Variants in RAB5A observed in about 807,000 individuals in gnomAD.
RAB5A encodes ras-related protein Rab-5A.
Under a neutral mutation model 25.7 loss-of-function variants are expected in RAB5A, and 8 were observed. The ratio of observed to expected loss-of-function variants is 0.31; its 90% confidence interval spans 0.18 to 0.56. RAB5A has a LOEUF of 0.56. Ranked by LOEUF, RAB5A falls within the 20% of genes least tolerant of loss-of-function variation. RAB5A has a pLI of 0.91. For synonymous variants in RAB5A, 98 were observed against 89.8 expected, an observed-to-expected ratio of 1.09 and a Z score of -0.52; for missense variants, 192 against 259.7, an observed-to-expected ratio of 0.74 and a Z score of 1.79.
intron 2 of RAB5A, among the ~76,000 whole-genome samples, chr3:19,962,933 C>T (rs1575070763): frequency 6.6e-6 from 1 of 152,084 alleles, no homozygotes; most frequent in African/African-American, 2.4e-5. Flanking sequence ...CCACTTCAGC[C>T]TCCCAAATAG....
chr3:19,980,936 A>G (rs1696913537), intron 5 of RAB5A, among the ~76,000 whole-genome samples: 1 of 152,194 alleles, frequency 6.6e-6, no homozygotes, highest in Admixed American at 6.5e-5. Context: ...TGTAGAACAA[A>G]TAAAGGATAA....
intron 2 of RAB5A, among the ~76,000 whole-genome samples, chr3:19,954,197 T>C (rs925278212): frequency 6.6e-6 from 1 of 152,106 alleles, no homozygotes; most frequent in Non-Finnish European, 1.5e-5. Flanking sequence ...GTATTTTTAG[T>C]AGAGACAGGG....
At chr3:19,964,687 C>G (rs557292310) in intron 2 of RAB5A, among the ~76,000 whole-genome samples, 30 of 152,234 alleles carry the variant, frequency 2.0e-4, no homozygotes, top group African/African-American at 4.8e-4. Flanking sequence ...GATCTTGGCT[C>G]ACTGCAACCT....
rs773130913 is a variant in RAB5A, at chr3:19,951,034, C to A, written c.136C>A (p.His46Asn). 6.2e-7 allele frequency: 1 copy of A among 1,613,952 alleles called. No homozygotes were observed. Among genetic ancestry groups the A allele is most frequent in the South Asian group, 1.1e-5 (1 of 91,074 alleles). The change falls in exon 2 of 6, where the codon CAT becomes AAT. Residue 46 changes from histidine to asparagine, a missense_variant. By Grantham distance (68) the His-to-Asn change is moderately conservative. Around this residue, in one of 3 missense-constraint regions of RAB5A, gnomAD observed 39 missense variants for 91.6 expected, o/e 0.43. Coordinates refer to ENST00000273047, the MANE Select transcript of RAB5A (RefSeq NM_004162.5). ...GCTTCGTTTTGTGAAAGGCCAATTT[C>A]ATGAATTTCAAGAGAGTACCATTGG... ...LVLRFVKGQF[H>N]EFQESTIGAA...
intron 5 of RAB5A, 28 bp downstream of exon 5, chr3:19,978,431 T>C (rs1696860588): frequency 1.3e-6 from 2 of 1,491,668 alleles, no homozygotes; most frequent in African/African-American, 1.4e-5. Flanking sequence ...TTTTAAATGA[T>C]CAATATAAGC....
chr3:19,960,182 A>C (rs2125182924), intron 2 of RAB5A, among the ~76,000 whole-genome samples: 1 of 152,354 alleles, frequency 6.6e-6, no homozygotes, highest in South Asian at 2.1e-4. Context: ...TTTATGAAGT[A>C]TGCTGAGTAA....
chr3:19,971,208 A>G (rs1696745634), intron 2 of RAB5A, among the ~76,000 whole-genome samples: 1 of 138,078 alleles, frequency 7.2e-6, no homozygotes, highest in Admixed American at 7.3e-5. Context: ...AAAAAAAAAA[A>G]AAAAAAACAC....
intron 2 of RAB5A, among the ~76,000 whole-genome samples, chr3:19,963,765 C>T (rs1036883653): frequency 6.6e-6 from 1 of 152,114 alleles, no homozygotes; most frequent in African/African-American, 2.4e-5. Flanking sequence ...CCACCTCACC[C>T]TCCCAAGTAG....
At position 19,956,006 on chromosome 3, in the gene RAB5A, G is replaced by A. The variant is rs555237022; in HGVS notation, c.163+4945G>A. ...TTTATAGGAGAATGCCTTCCTGTTA[G>A]CCACCTGCCAGACATCTTTAGGAAA... On this transcript the variant is annotated intron_variant, in intron 2 of 5. Coordinates refer to ENST00000273047, the MANE Select transcript of RAB5A (RefSeq NM_004162.5). 3.9e-5 allele frequency among the ~76,000 whole-genome samples: 6 copies of A among 152,240 alleles called. No individual in the cohort carries two copies. In the East Asian group the frequency reaches 1.2e-3, roughly 29 times the overall value.
chr3:19,952,060 G>A (rs1268449956), intron 2 of RAB5A, among the ~76,000 whole-genome samples: 1 of 152,068 alleles, frequency 6.6e-6, no homozygotes, highest in Non-Finnish European at 1.5e-5. Context: ...TGGGAAAATT[G>A]AATTTTAGCT....
intron 2 of RAB5A, among the ~76,000 whole-genome samples, chr3:19,956,976 C>T (rs111537629): frequency 7.0e-6 from 1 of 142,802 alleles, no homozygotes; most frequent in African/African-American, 2.6e-5. Flanking sequence ...ACAGCCTGCT[C>T]TGTTGCCCAG....
intron 5 of RAB5A, among the ~76,000 whole-genome samples, chr3:19,982,207 T>C (rs1300726262): frequency 6.6e-6 from 1 of 152,172 alleles, no homozygotes; most frequent in Admixed American, 6.5e-5. Flanking sequence ...CACCACACTC[T>C]AACTTGGGCT....
chr3:19,952,770 T>G (rs1372741823), intron 2 of RAB5A, among the ~76,000 whole-genome samples: 1 of 152,138 alleles, frequency 6.6e-6, no homozygotes, highest in Non-Finnish European at 1.5e-5. Flanking sequence ...TCCCTGAAAG[T>G]ACATCCACGT....
chr3:19,958,894 G>T (rs1696543719), intron 2 of RAB5A, among the ~76,000 whole-genome samples: 1 of 151,136 alleles, frequency 6.6e-6, no homozygotes, highest in Non-Finnish European at 1.5e-5. Context: ...AGCTGAGATC[G>T]CACCACTGCA....
chr3:19,976,201 A>G, intron 4 of RAB5A, 32 bp downstream of exon 4: 1 of 1,586,172 alleles, frequency 6.3e-7, no homozygotes, highest in Non-Finnish European at 8.6e-7. Flanking sequence ...TTTGAAAGGC[A>G]CTTTTTTCCT....
chr3:19,950,897 A>G lies in RAB5A; in HGVS notation c.-2A>G. ...AATTAGGGACTTATTTCAAATTTGG[A>G]CATGGCTAGTCGAGGCGCAACAAGA... is the stretch of plus-strand genomic sequence containing the variant. On this transcript the variant is annotated 5_prime_UTR_variant, in exon 2 of 6. Transcript: ENST00000273047. The G allele has an allele frequency of 6.2e-7, 1 of 1,603,530 alleles. No homozygotes were observed. Among genetic ancestry groups the G allele is most frequent in the East Asian group, 2.2e-5 (1 of 44,834 alleles).
chr3:19,985,053 T>G lies in RAB5A; in HGVS notation c.*1230T>G. 1 of 234,208 alleles carries G rather than the reference T, an allele frequency of 4.3e-6. No homozygotes were observed. Among genetic ancestry groups the G allele is most frequent in the South Asian group, 8.9e-5 (1 of 11,238 alleles). The allele number at this position is 234,208 out of a possible 1,614,324, so 14.5% of individuals were successfully genotyped here. A position where few individuals can be genotyped will look rare whatever the true frequency, so the allele number is the denominator to read the frequency against. On this transcript the variant is annotated 3_prime_UTR_variant, in exon 6 of 6. Coordinates refer to ENST00000273047, the MANE Select transcript of RAB5A (RefSeq NM_004162.5). The stretch of plus-strand genomic sequence containing the variant: ...ATGTGTCAGAGATGATTTAATCTAT[T>G]TAAGTGTTGGACTGCTAGGAGAACT...
chr3:19,971,972 A>G (rs1392623826), intron 2 of RAB5A, among the ~76,000 whole-genome samples: 1 of 152,158 alleles, frequency 6.6e-6, no homozygotes. Flanking sequence ...ACATTTTTGA[A>G]CATCTGTATG....
intron 2 of RAB5A, among the ~76,000 whole-genome samples, chr3:19,957,584 A>G (rs1389344130): frequency 6.6e-6 from 1 of 151,934 alleles, no homozygotes; most frequent in African/African-American, 2.4e-5. Flanking sequence ...TATTGCTTGA[A>G]CCTGGGAGGC....
Sources: allele counts gnomAD v4.1 joint callset (sites outside exome capture counted in the v4.1 genomes callset), GRCh38; gene constraint gnomAD v4.1.1; regional missense constraint gnomAD v4.1.1; transcripts MANE v1.5; gene names NCBI Gene and HGNC (gene_info 2026-07-23, HGNC 2026-07-21).